The following EVI5 variants were observed in gnomAD, a reference collection of about 807,000 sequenced individuals.
EVI5 encodes the protein ecotropic viral integration site 5 protein homolog.
In EVI5, 73 loss-of-function variants were observed where a neutral mutation model predicts 112.0. The ratio of observed to expected loss-of-function variants is 0.65; its 90% confidence interval spans 0.54 to 0.79. The LOEUF (loss-of-function observed/expected upper bound fraction) is 0.79, where lower values mean the gene tolerates loss of function less well. EVI5 is among the 30% of genes least tolerant of loss of function. The pLI, the probability that EVI5 is intolerant of heterozygous loss-of-function variation, is 0.00. For synonymous variants in EVI5, 305 were observed against 319.9 expected, an observed-to-expected ratio of 0.95 and a Z score of 0.50; for missense variants, 900 against 968.8, an observed-to-expected ratio of 0.93 and a Z score of 0.94.
intron 5 of EVI5, among the ~76,000 whole-genome samples, chr1:92,699,030 G>A (rs1670727363): frequency 6.6e-6 from 1 of 152,106 alleles, no homozygotes; most frequent in African/African-American, 2.4e-5. Flanking sequence ...TGTTTCAAAA[G>A]AGAACATCCC....
At chr1:92,729,208 A>C (rs1474397340) in intron 2 of EVI5, among the ~76,000 whole-genome samples, 1 of 152,234 alleles carries the variant, frequency 6.6e-6, no homozygotes, top group Non-Finnish European at 1.5e-5. Context: ...TTCAAACTAC[A>C]AAAGTTATGG....
At chr1:92,790,013 C>T (rs941421945), upstream of EVI5, among the ~76,000 whole-genome samples, 6 of 152,120 alleles carry the variant, frequency 3.9e-5, no homozygotes, top group Non-Finnish European at 8.8e-5. Context: ...TGACTATTTA[C>T]ATTTAAACTT....
At chr1:92,706,160 AG>A (rs1421356000) in intron 2 of EVI5, among the ~76,000 whole-genome samples, 1 of 152,124 alleles carries the variant, frequency 6.6e-6, no homozygotes, top group Non-Finnish European at 1.5e-5. Flanking sequence ...CATACCAAAC[AG>A]CCAAAGTGAG....
At chr1:92,656,596 T>A in intron 13 of EVI5, among the ~76,000 whole-genome samples, 1 of 149,432 alleles carries the variant, frequency 6.7e-6, no homozygotes, top group Admixed American at 6.6e-5. Context: ...ATCAAAGAAA[T>A]GAAAAGTGGG....
chr1:92,686,403 A>T (rs750343796), intron 9 of EVI5, among the ~76,000 whole-genome samples: 7 of 152,194 alleles, frequency 4.6e-5, no homozygotes, highest in Non-Finnish European at 1.0e-4. Flanking sequence ...ATCTCAAAAT[A>T]ATGAGCTATT....
At chr1:92,671,143 T>G (rs976747731) in intron 10 of EVI5, among the ~76,000 whole-genome samples, 5 of 152,188 alleles carry the variant, frequency 3.3e-5, no homozygotes, top group Admixed American at 6.5e-5. Flanking sequence ...TCTCTAATTT[T>G]TCTTCTTCTA....
At chr1:92,577,225 C>T (rs942737684) in intron 18 of EVI5, among the ~76,000 whole-genome samples, 24 of 152,338 alleles carry the variant, frequency 1.6e-4, no homozygotes, top group African/African-American at 5.5e-4. Context: ...GAAGCTTCTC[C>T]TGTTCTGTCA....
Position 92,513,583 on chromosome 1 carries a change from T to G in EVI5, c.*73A>C. 1 of 564,126 alleles carries G rather than the reference T, an allele frequency of 1.8e-6. No individual in the cohort carries two copies. The highest frequency in any genetic ancestry group is 2.9e-6 in the Non-Finnish European group (1 of 350,258). The allele number at this position is 564,126 out of a possible 1,614,324, so 34.9% of individuals were successfully genotyped here. On this transcript the variant is annotated 3_prime_UTR_variant, in exon 20 of 20. Coordinates refer to ENST00000684568, the MANE Select transcript of EVI5 (RefSeq NM_001350197.2). ...TATATATATGTACATATGAAACAAATTATTTCCAAAAAGCCCTAATCATAT... is the reference window on the plus strand; with the variant it reads ...TATATATATGTACATATGAAACAAAGTATTTCCAAAAAGCCCTAATCATAT...
chr1:92,764,204 A>G (rs1005306305), intron 1 of EVI5, among the ~76,000 whole-genome samples: 16 of 152,216 alleles, frequency 1.1e-4, no homozygotes, highest in Admixed American at 8.5e-4. Context: ...TAAATCAGCT[A>G]AACAGCTCAG....
At chr1:92,662,957 T>TA (rs11411366) in intron 12 of EVI5, 92 bp from the exon 13 acceptor site, 197,587 of 306,070 alleles carry the variant, frequency 0.65, 53,818 homozygotes, top group East Asian at 0.88. Context: ...TTTGACATGT[T>TA]AAAAAAAAAA....
At chr1:92,722,412 C>G (rs1674895861) in intron 2 of EVI5, among the ~76,000 whole-genome samples, 1 of 151,460 alleles carries the variant, frequency 6.6e-6, no homozygotes, top group African/African-American at 2.4e-5. Flanking sequence ...TGTGCTGCAC[C>G]CATTACCTCG....
rs1241635144 is a variant in EVI5, at chr1:92,740,443, G to A, written c.-81-3816C>T. 5.3e-5 allele frequency among the ~76,000 whole-genome samples: 8 copies of A among 151,696 alleles called. No homozygotes were observed. In the East Asian group the frequency reaches 5.8e-4, roughly 11 times the overall value. On this transcript the variant is annotated intron_variant, in intron 1 of 19. Coordinates refer to ENST00000684568, the MANE Select transcript of EVI5 (RefSeq NM_001350197.2). ...CTGTGTTACACTCATTTTTATCTCC[G>A]CTTTTTCTTTTCTTTTCTGGTTTCT...
intron 1 of EVI5, among the ~76,000 whole-genome samples, chr1:92,783,499 A>AG (rs1553277060): frequency 0.017 from 71 of 4,170 alleles, 1 homozygote; most frequent in Non-Finnish European, 0.04. Context: ...AAAAAAAAAA[A>AG]AAAAAAAAGA....
intron 19 of EVI5, among the ~76,000 whole-genome samples, chr1:92,555,620 G>T (rs1392504598): frequency 6.6e-6 from 1 of 151,964 alleles, no homozygotes; most frequent in Non-Finnish European, 1.5e-5. Flanking sequence ...GAGGCCGAGG[G>T]GCACAGACTG....
intron 19 of EVI5, among the ~76,000 whole-genome samples, chr1:92,540,866 G>A (rs749458987): frequency 1.2e-4 from 18 of 152,094 alleles, no homozygotes; most frequent in Non-Finnish European, 2.4e-4. Context: ...CTGAGGTCAG[G>A]AGTTTGAGTA....
intron 1 of EVI5, among the ~76,000 whole-genome samples, chr1:92,770,615 C>G (rs905974698): frequency 6.6e-5 from 10 of 151,800 alleles, no homozygotes; most frequent in African/African-American, 2.2e-4. Flanking sequence ...ACAGTGAAAC[C>G]CTGATTCTAC....
chr1:92,768,113 T>C (rs1376232864), intron 1 of EVI5, among the ~76,000 whole-genome samples: 5 of 138,508 alleles, frequency 3.6e-5, no homozygotes, highest in Middle Eastern at 3.6e-3. Context: ...TATAAGCAAA[T>C]TTTTTATGCA....
intron 19 of EVI5, among the ~76,000 whole-genome samples, chr1:92,525,257 A>G (rs1400499000): frequency 6.8e-6 from 1 of 146,028 alleles, no homozygotes; most frequent in Non-Finnish European, 1.5e-5. Flanking sequence ...ATCAGTGCCA[A>G]TGACAATGCC....
exon 1 of EVI5, chr1:92,792,359 G>T (rs1295563747): frequency 6.2e-7 from 1 of 1,608,180 alleles, no homozygotes; most frequent in South Asian, 1.1e-5. Context: ...TCCCACTAGG[G>T]TTTCTAAAGG....
Sources: allele counts gnomAD v4.1 joint callset (sites outside exome capture counted in the v4.1 genomes callset), GRCh38; gene constraint gnomAD v4.1.1; transcripts MANE v1.5; gene names NCBI Gene and HGNC (gene_info 2026-07-23, HGNC 2026-07-21).